Variants in CEACAM5 observed in about 807,000 individuals in gnomAD.
CEACAM5 encodes the protein cell adhesion molecule CEACAM5.
CEACAM5 carries 52 observed loss-of-function variants against 63.0 expected under a neutral mutation model. The ratio of observed to expected loss-of-function variants is 0.83; its 90% CI spans 0.66 to 1.04. CEACAM5 has a LOEUF of 1.04. Ranked by LOEUF, CEACAM5 falls within the 50% of genes least tolerant of loss-of-function variation. CEACAM5 has a pLI of 0.00. For synonymous variants in CEACAM5, 357 were observed against 351.3 expected, an observed-to-expected ratio of 1.02 and a Z score of -0.18; for missense variants, 790 against 864.8, an observed-to-expected ratio of 0.91 and a Z score of 1.08.
chr19:41,728,786 C>CAACAAAAA (rs2072733636), intron 9 of CEACAM5, among the ~76,000 whole-genome samples: 1 of 73,298 alleles, frequency 1.4e-5, no homozygotes, highest in African/African-American at 5.7e-5. Flanking sequence ...GACTCCGTCT[C>CAACAAAAA]AAAAAAAAAA....
At chr19:41,728,367 G>A (rs2072727265) in intron 9 of CEACAM5, among the ~76,000 whole-genome samples, 1 of 152,138 alleles carries the variant, frequency 6.6e-6, no homozygotes. Context: ...TCTGGAGTGG[G>A]ACCCAGGCAT....
chr19:41,730,253 T>C lies in CEACAM5; in HGVS notation c.*1106T>C, dbSNP rs971780524. Among the ~76,000 whole-genome samples the C allele has an allele frequency of 1.3e-5, 2 of 151,940 alleles. No individual in the cohort carries two copies. Among genetic ancestry groups the C allele is most frequent in the Non-Finnish European group, 2.9e-5 (2 of 67,980 alleles). On this transcript the variant is annotated 3_prime_UTR_variant, in exon 10 of 10. Transcript: ENST00000221992. ...GGCTAACACAGTGAAACCCCGTCTC[T>C]ACTAAAAATACAAAAAAAGTTAGCC... is the stretch of plus-strand genomic sequence containing the variant.
chr19:41,711,249 C>T (rs1490734679), intron 2 of CEACAM5, among the ~76,000 whole-genome samples: 2 of 152,086 alleles, frequency 1.3e-5, no homozygotes, highest in South Asian at 2.1e-4. Context: ...CCAGGCCTCT[C>T]CCTGAGATCC....
rs184103144 is a variant in CEACAM5, at chr19:41,730,025, A to G, written c.*878A>G. On this transcript the variant is annotated 3_prime_UTR_variant, in exon 10 of 10. Coordinates refer to ENST00000221992, the MANE Select transcript of CEACAM5 (RefSeq NM_004363.6). ...TAATAAACCCACAGGTACTACAAAC[A>G]AAGTCTGAAGTCAGCCTTGGTTTGG... Among the ~76,000 whole-genome samples the G allele has an allele frequency of 6.6e-6, 1 of 152,332 alleles. No individual in the cohort carries two copies. The highest frequency in any genetic ancestry group is 1.5e-5 in the Non-Finnish European group (1 of 68,022).
Position 41,729,680 on chromosome 19 carries a change from TA to T in CEACAM5, c.*534del, listed in dbSNP as rs1311841103. 1 of 152,224 alleles carries T rather than the reference TA, an allele frequency of 6.6e-6. No homozygotes were observed. Among genetic ancestry groups the T allele is most frequent in the Non-Finnish European group, 1.5e-5 (1 of 68,042 alleles). 9.4% of individuals were successfully genotyped at this position (152,224 alleles called of 1,614,324 possible). On this transcript the variant is annotated 3_prime_UTR_variant, in exon 10 of 10. Transcript: ENST00000221992. ...TGAGGATAATATTTTCATAATTTTT[TA>T]TTTGAAATTTTGCTGATTCTTTAAA...
At chr19:41,720,538 G>T (rs976496156) in intron 7 of CEACAM5, among the ~76,000 whole-genome samples, 2 of 133,442 alleles carry the variant, frequency 1.5e-5, no homozygotes, top group East Asian at 2.3e-4. Flanking sequence ...ACGGAGTCTC[G>T]CTCTTTCGCC....
Position 41,709,540 on chromosome 19 carries a change from A to G in CEACAM5, c.65-140A>G, listed in dbSNP as rs1253653847. ...ACTGCTGACCTTGACCTAGTAGGAC[A>G]CACACACACACACACACACACACAC... is the stretch of plus-strand genomic sequence containing the variant. On this transcript the variant is annotated intron_variant, in intron 1 of 9. Coordinates refer to ENST00000221992, the MANE Select transcript of CEACAM5 (RefSeq NM_004363.6). 135 of 752,240 alleles carry G rather than the reference A, an allele frequency of 1.8e-4. No homozygotes were observed. The African/African-American group carries it at 2.3e-3, about 13-fold the overall frequency. 46.6% of individuals were successfully genotyped at this position (752,240 alleles called of 1,614,324 possible).
chr19:41,717,177 G>A (rs1249946954), intron 4 of CEACAM5, among the ~76,000 whole-genome samples: 2 of 152,202 alleles, frequency 1.3e-5, no homozygotes, highest in African/African-American at 4.8e-5. Context: ...GAAGTGCTGG[G>A]GGCTGTGACC....
chr19:41,718,476 T>C, intron 6 of CEACAM5, 94 bp downstream of exon 6: 1 of 1,355,188 alleles, frequency 7.4e-7, no homozygotes. Flanking sequence ...TTTCCTAGTA[T>C]GCATCCAATG....
In CEACAM5 at chr19:41,729,790, G is replaced by A. The variant is rs949325529; in HGVS notation, c.*643G>A. The A allele has an allele frequency of 1.3e-5, 2 of 152,116 alleles. No homozygotes were observed. The highest frequency in any genetic ancestry group is 6.5e-5 in the Admixed American group (1 of 15,272). 9.4% of individuals were successfully genotyped at this position (152,116 alleles called of 1,614,324 possible). ...GCAATTTGATAAAATATACTTTTGT[G>A]AACAAAAATTGAGACATTTACATTT... On this transcript the variant is annotated 3_prime_UTR_variant, in exon 10 of 10. Transcript: ENST00000221992.
chr19:41,715,476 T>G lies in CEACAM5; in HGVS notation c.704-174T>G, dbSNP rs782340583. On this transcript the variant is annotated intron_variant, in intron 3 of 9. Coordinates refer to ENST00000221992, the MANE Select transcript of CEACAM5 (RefSeq NM_004363.6). ...TGGGAGGCTCAGGGTCCACACCCTA[T>G]GATGGGAGAAACAGGTGAATATCTC... The G allele has an allele frequency of 1.8e-5, 20 of 1,121,620 alleles. No homozygotes were observed. In the Middle Eastern group the frequency reaches 1.7e-3, roughly 98 times the overall value. The allele number at this position is 1,121,620 out of a possible 1,614,324, so 69.5% of individuals were successfully genotyped here.
At chr19:41,711,911 A>G (rs1264752613) in intron 2 of CEACAM5, among the ~76,000 whole-genome samples, 2 of 152,002 alleles carry the variant, frequency 1.3e-5, no homozygotes, top group Non-Finnish European at 2.9e-5. Flanking sequence ...CAGAAATCAC[A>G]GGCAATAGGG....
At position 41,714,882 on chromosome 19, in the gene CEACAM5, G is replaced by A. The variant is rs559489629; in HGVS notation, c.425-89G>A. The stretch of plus-strand genomic sequence containing the variant: ...GTTTTTAAGGGCTCAGGTGGGCTGA[G>A]AGGTGGAAGGTGCCAACTCTGATTG... On this transcript the variant is annotated intron_variant, in intron 2 of 9. Coordinates refer to ENST00000221992, the MANE Select transcript of CEACAM5 (RefSeq NM_004363.6). 29 of 1,588,206 alleles carry A rather than the reference G, an allele frequency of 1.8e-5. No individual in the cohort carries two copies. The African/African-American group carries it at 3.4e-4, about 18-fold the overall frequency.
intron 8 of CEACAM5, among the ~76,000 whole-genome samples, chr19:41,724,026 T>C (rs782593168): frequency 1.3e-5 from 2 of 152,206 alleles, no homozygotes; most frequent in Non-Finnish European, 2.9e-5. Context: ...TTTGTTGTTA[T>C]AACCAAGACA....
intron 8 of CEACAM5, among the ~76,000 whole-genome samples, chr19:41,723,427 A>C (rs1472418443): frequency 6.6e-6 from 1 of 152,086 alleles, no homozygotes; most frequent in Non-Finnish European, 1.5e-5. Context: ...TGTTGAGCAT[A>C]TTTGCATGTG....
intron 3 of CEACAM5, 31 bp downstream of exon 3, chr19:41,715,280 C>A: frequency 1.2e-6 from 2 of 1,614,148 alleles, no homozygotes; most frequent in East Asian, 4.5e-5. Context: ...CTGGCCCAGG[C>A]TGCCAGCCCA....
chr19:41,721,576 C>T (rs1225538695), intron 8 of CEACAM5, among the ~76,000 whole-genome samples: 12 of 152,240 alleles, frequency 7.9e-5, no homozygotes, highest in African/African-American at 2.9e-4. Flanking sequence ...GGCTTTGAAA[C>T]CAGCCCACAC....
chr19:41,726,386 A>G (rs1274695142), intron 8 of CEACAM5, among the ~76,000 whole-genome samples: 1 of 152,254 alleles, frequency 6.6e-6, no homozygotes, highest in East Asian at 1.9e-4. Context: ...AGCATTAATC[A>G]TCAGCCTGAG....
At chr19:41,710,171 C>A in intron 2 of CEACAM5, 132 bp downstream of exon 2, 2 of 1,314,708 alleles carry the variant, frequency 1.5e-6, no homozygotes, top group Non-Finnish European at 2.1e-6. Flanking sequence ...GCATTTAGTG[C>A]AGGATACACA....
Sources: gnomAD v4.1 joint callset for allele counts (sites outside exome capture counted in the v4.1 genomes callset) on GRCh38, gnomAD v4.1.1 for gene constraint, MANE v1.5 for transcripts, NCBI Gene and HGNC (gene_info 2026-07-23, HGNC 2026-07-21) for gene names.